DCDC1: variants seen among roughly 807,000 people sequenced by gnomAD.
DCDC1 encodes the protein doublecortin domain containing 1, also known as doublecortin domain-containing protein 1.
A neutral mutation model predicts 178.3 loss-of-function variants in DCDC1; 200 were observed. The ratio of observed to expected loss-of-function variants is 1.12; its 90% CI spans 1.00 to 1.26. DCDC1 has a LOEUF of 1.26. Among genes scored for constraint, DCDC1 ranks in the 50% most tolerant of loss-of-function variants. The pLI, the probability that DCDC1 is intolerant of heterozygous loss-of-function variation, is 0.00. For synonymous variants in DCDC1, 690 were observed against 604.8 expected, an observed-to-expected ratio of 1.14 and a Z score of -2.07; for missense variants, 1,983 against 1,749.2, an observed-to-expected ratio of 1.13 and a Z score of -2.38.
At chr11:31,196,493 C>A (rs1220860136) in intron 9 of DCDC1, among the ~76,000 whole-genome samples, 1 of 152,030 alleles carries the variant, frequency 6.6e-6, no homozygotes, top group Admixed American at 6.6e-5. Context: ...CTAGGGTTCC[C>A]ATGACTCCCT....
At chr11:31,090,287 A>G (rs1443347740) in intron 17 of DCDC1, among the ~76,000 whole-genome samples, 1 of 152,090 alleles carries the variant, frequency 6.6e-6, no homozygotes, top group African/African-American at 2.4e-5. Flanking sequence ...CTTGGCGCTC[A>G]CTGGCAATTG....
At chr11:30,875,231 A>G (rs146305422) in intron 38 of DCDC1, among the ~76,000 whole-genome samples, 5 of 152,248 alleles carry the variant, frequency 3.3e-5, no homozygotes, top group African/African-American at 1.2e-4. Flanking sequence ...GCTTATGGCC[A>G]CACAGCCCCA....
chr11:30,867,455 AGTCCATTATGGTGCCC>A (rs1228946558), intron 38 of DCDC1, among the ~76,000 whole-genome samples: 1 of 152,246 alleles, frequency 6.6e-6, no homozygotes, highest in Non-Finnish European at 1.5e-5. Context: ...TTTATGTAAA[AGTCCATTATGGTGCCC>A]GGTACAGGTA....
At chr11:30,930,088 G>A (rs1339088226) in intron 22 of DCDC1, among the ~76,000 whole-genome samples, 1 of 152,044 alleles carries the variant, frequency 6.6e-6, no homozygotes, top group Non-Finnish European at 1.5e-5. Flanking sequence ...ACACTAAACA[G>A]CCCAACACTC....
chr11:31,229,382 T>A (rs1433709626), intron 9 of DCDC1, among the ~76,000 whole-genome samples: 4 of 152,044 alleles, frequency 2.6e-5, no homozygotes, highest in Non-Finnish European at 5.9e-5. Context: ...AAGTAACATA[T>A]ATAAGGAGGA....
intron 9 of DCDC1, among the ~76,000 whole-genome samples, chr11:31,139,458 T>C (rs1963557306): frequency 6.6e-6 from 1 of 152,200 alleles, no homozygotes; most frequent in Admixed American, 6.5e-5. Context: ...CAAGCATCTG[T>C]TTATTTGATC....
intron 8 of DCDC1, among the ~76,000 whole-genome samples, chr11:31,249,528 C>CATGT (rs1475533055): frequency 2.0e-5 from 3 of 152,044 alleles, no homozygotes; most frequent in Admixed American, 2.0e-4. Flanking sequence ...ACTAGAAGAC[C>CATGT]CTGAGGACCA....
At chr11:31,225,574 A>T (rs1225677281) in intron 9 of DCDC1, among the ~76,000 whole-genome samples, 1 of 150,676 alleles carries the variant, frequency 6.6e-6, no homozygotes, top group Non-Finnish European at 1.5e-5. Context: ...TGTGTTATAT[A>T]TACATATGCA....
chr11:30,898,637 TCA>T (rs1944417085), intron 34 of DCDC1, among the ~76,000 whole-genome samples: 1 of 152,182 alleles, frequency 6.6e-6, no homozygotes, highest in African/African-American at 2.4e-5. Flanking sequence ...CATGGAACAT[TCA>T]AGTGAAAATG....
intron 9 of DCDC1, among the ~76,000 whole-genome samples, chr11:31,221,933 A>G (rs1974325397): frequency 6.6e-6 from 1 of 152,150 alleles, no homozygotes; most frequent in Admixed American, 6.5e-5. Flanking sequence ...TTGCTAAGCA[A>G]TCTCCTCAGC....
rs76801413 is a variant in DCDC1, at chr11:31,138,329, C to A, written c.1222-545G>T. Among the ~76,000 whole-genome samples, 31 of 152,276 alleles carry A rather than the reference C, an allele frequency of 2.0e-4. No individual in the cohort carries two copies. The East Asian group carries it at 6.0e-3, about 29-fold the overall frequency. On this transcript the variant is annotated intron_variant, in intron 9 of 38. Transcript: ENST00000684477. ...ATTTACAAAGCTAGATAAAGGTCTTCTACTACTGCTGCCAACCCATGTGTT... is the reference window on the plus strand; with the variant it reads ...ATTTACAAAGCTAGATAAAGGTCTTATACTACTGCTGCCAACCCATGTGTT...
chr11:31,043,374 A>G (rs534185989), intron 20 of DCDC1, among the ~76,000 whole-genome samples: 1 of 152,300 alleles, frequency 6.6e-6, no homozygotes, highest in Non-Finnish European at 1.5e-5. Flanking sequence ...TGCTGACATC[A>G]TGTTCCTTCT....
intron 20 of DCDC1, among the ~76,000 whole-genome samples, chr11:31,055,293 T>C (rs1955511894): frequency 2.0e-5 from 3 of 152,088 alleles, no homozygotes; most frequent in African/African-American, 7.2e-5. Flanking sequence ...AATACCACCT[T>C]ACTCCTGCAA....
intron 1 of DCDC1, among the ~76,000 whole-genome samples, chr11:31,341,225 T>C (rs960147114): frequency 6.6e-6 from 1 of 152,106 alleles, no homozygotes; most frequent in African/African-American, 2.4e-5. Context: ...CAGAAACTTC[T>C]TTCACAGGTA....
chr11:31,214,422 T>C (rs1269794303), intron 9 of DCDC1, among the ~76,000 whole-genome samples: 2 of 152,218 alleles, frequency 1.3e-5, no homozygotes, highest in Non-Finnish European at 2.9e-5. Context: ...AATTTGATTT[T>C]AATTTTTTTT....
At chr11:31,364,233 C>T (rs867298335) in intron 1 of DCDC1, among the ~76,000 whole-genome samples, 2 of 152,092 alleles carry the variant, frequency 1.3e-5, no homozygotes, top group Non-Finnish European at 2.9e-5. Context: ...AGAGATAATC[C>T]CATCACATGT....
At chr11:31,160,556 A>G (rs1193731019) in intron 9 of DCDC1, among the ~76,000 whole-genome samples, 1 of 152,108 alleles carries the variant, frequency 6.6e-6, no homozygotes, top group Non-Finnish European at 1.5e-5. Flanking sequence ...TTATTAAAAG[A>G]GTACTCCTGA....
At chr11:30,968,711 T>TATATATATATATATATATA (rs1949594817) in intron 20 of DCDC1, among the ~76,000 whole-genome samples, 2 of 61,056 alleles carry the variant, frequency 3.3e-5, no homozygotes, top group African/African-American at 7.8e-5. Context: ...ATATATCAAA[T>TATATATATATATATATATA]TATATATATA....
At chr11:31,131,551 G>T (rs1210918187) in intron 10 of DCDC1, among the ~76,000 whole-genome samples, 4 of 152,106 alleles carry the variant, frequency 2.6e-5, no homozygotes, top group Non-Finnish European at 5.9e-5. Flanking sequence ...AAAAACAATG[G>T]ATAATAGTGT....
Sources: gnomAD v4.1 joint callset for allele counts (sites outside exome capture counted in the v4.1 genomes callset) on GRCh38, gnomAD v4.1.1 for gene constraint, MANE v1.5 for transcripts, NCBI Gene and HGNC (gene_info 2026-07-23, HGNC 2026-07-21) for gene names.